The following GHR variants were observed in gnomAD, a reference collection of about 807,000 sequenced individuals.
The protein encoded by GHR is GH receptor.
GHR carries 35 observed loss-of-function variants against 67.1 expected under a neutral mutation model. The observed-to-expected ratio is 0.52, with a 90% CI of 0.40 to 0.69. The LOEUF (loss-of-function observed/expected upper bound fraction) is 0.69, where lower values mean the gene tolerates loss of function less well. GHR is among the 30% of genes least tolerant of loss of function. The pLI, the probability that GHR is intolerant of heterozygous loss-of-function variation, is 0.00. For missense variants in GHR, 792 were observed against 764.6 expected (o/e 1.04, Z -0.42); for synonymous variants, 272 against 269.1 (o/e 1.01, Z -0.10).
At chr5:42,425,811 A>G (rs1579674527) in intron 1 of GHR, among the ~76,000 whole-genome samples, 1 of 152,176 alleles carries the variant, frequency 6.6e-6, no homozygotes, top group Non-Finnish European at 1.5e-5. Context: ...GTGTGTCAAC[A>G]TTTAGCTTTT....
intron 1 of GHR, among the ~76,000 whole-genome samples, chr5:42,531,160 C>G (rs926675452): frequency 5.9e-5 from 9 of 151,944 alleles, no homozygotes; most frequent in Non-Finnish European, 1.2e-4. Context: ...CCCAGCTACT[C>G]AGAGGATGAG....
chr5:42,650,192 C>T (rs116570478), intron 3 of GHR, among the ~76,000 whole-genome samples: 1 of 152,160 alleles, frequency 6.6e-6, no homozygotes, highest in Non-Finnish European at 1.5e-5. Context: ...TTCCTTAGAC[C>T]GTGATGTTGC....
At chr5:42,571,193 G>A (rs1458211113) in intron 2 of GHR, among the ~76,000 whole-genome samples, 3 of 152,220 alleles carry the variant, frequency 2.0e-5, no homozygotes, top group African/African-American at 7.2e-5. Flanking sequence ...CTCTGTAGGG[G>A]AGGAAACATG....
intron 1 of GHR, chr5:42,468,598 G>A: frequency 9.8e-7 from 1 of 1,019,822 alleles, no homozygotes; most frequent in Non-Finnish European, 1.5e-6. Context: ...CCTCTTTCCT[G>A]TCAACCACGC....
intron 3 of GHR, among the ~76,000 whole-genome samples, chr5:42,671,969 A>AAG (rs903653300): frequency 1.3e-5 from 2 of 151,178 alleles, no homozygotes; most frequent in Non-Finnish European, 3.0e-5. Flanking sequence ...AAAAAAAAAA[A>AAG]AAAGAAACTA....
chr5:42,536,624 TC>T (rs1748268842), intron 1 of GHR, among the ~76,000 whole-genome samples: 1 of 152,174 alleles, frequency 6.6e-6, no homozygotes, highest in African/African-American at 2.4e-5. Context: ...TCTGTAGTTT[TC>T]TTTTTTGGTT....
chr5:42,521,387 T>C (rs1747467091), intron 1 of GHR, among the ~76,000 whole-genome samples: 1 of 152,242 alleles, frequency 6.6e-6, no homozygotes, highest in Admixed American at 6.5e-5. Context: ...TCCTTTGATC[T>C]ATATACTATG....
intron 4 of GHR, among the ~76,000 whole-genome samples, chr5:42,691,594 G>A (rs149527222): frequency 6.6e-6 from 1 of 152,228 alleles, no homozygotes; most frequent in African/African-American, 2.4e-5. Flanking sequence ...AAAACTCTGA[G>A]ATGATTTTAT....
At chr5:42,685,399 A>T (rs1757088801) in intron 3 of GHR, among the ~76,000 whole-genome samples, 1 of 152,064 alleles carries the variant, frequency 6.6e-6, no homozygotes. Context: ...TGCTGCAATA[A>T]ACATACATGT....
At chr5:42,561,034 C>T (rs1579940555) in intron 1 of GHR, among the ~76,000 whole-genome samples, 1 of 152,302 alleles carries the variant, frequency 6.6e-6, no homozygotes, top group East Asian at 1.9e-4. Context: ...CCCTTTTATT[C>T]GTGAATTTGA....
At chr5:42,514,260 A>G (rs2112275960) in intron 1 of GHR, 4 of 985,222 alleles carry the variant, frequency 4.1e-6, no homozygotes, top group Non-Finnish European at 4.8e-6. Context: ...TTCCATGACC[A>G]AGGTCACCTC....
chr5:42,658,165 C>T (rs1442356951), intron 3 of GHR, among the ~76,000 whole-genome samples: 1 of 152,066 alleles, frequency 6.6e-6, no homozygotes, highest in Admixed American at 6.6e-5. Context: ...TATCTAACAG[C>T]TCATAGAAAC....
At chr5:42,604,347 C>T (rs934347149) in intron 2 of GHR, among the ~76,000 whole-genome samples, 2 of 152,146 alleles carry the variant, frequency 1.3e-5, no homozygotes, top group Non-Finnish European at 2.9e-5. Flanking sequence ...AATGGAAAAC[C>T]CAGAAAGGCC....
chr5:42,606,949 AGGTG>A (rs941832185), intron 2 of GHR, among the ~76,000 whole-genome samples: 1 of 152,058 alleles, frequency 6.6e-6, no homozygotes, highest in Non-Finnish European at 1.5e-5. Flanking sequence ...TTCCAGAGCT[AGGTG>A]AATTGGTGAT....
intron 1 of GHR, among the ~76,000 whole-genome samples, chr5:42,442,842 A>C (rs1446581010): frequency 1.3e-5 from 2 of 152,206 alleles, no homozygotes; most frequent in Non-Finnish European, 2.9e-5. Flanking sequence ...GAAATTACAC[A>C]TTTTCTTTTT....
intron 1 of GHR, among the ~76,000 whole-genome samples, chr5:42,473,107 A>C (rs1280022417): frequency 6.6e-6 from 1 of 152,192 alleles, no homozygotes; most frequent in East Asian, 1.9e-4. Flanking sequence ...TTGTATTATA[A>C]GTCTGTGTTG....
intron 3 of GHR, among the ~76,000 whole-genome samples, chr5:42,636,549 C>T (rs1251887617): frequency 6.6e-6 from 1 of 152,050 alleles, no homozygotes; most frequent in Non-Finnish European, 1.5e-5. Context: ...AATCACTGCT[C>T]CCGAGAGAGC....
intron 1 of GHR, among the ~76,000 whole-genome samples, chr5:42,520,035 G>A (rs1747407955): frequency 6.6e-6 from 1 of 152,142 alleles, no homozygotes; most frequent in Admixed American, 6.5e-5. Flanking sequence ...TAACACAGAA[G>A]TTTTGCTGAT....
chr5:42,658,343 T>C (rs1355121152), intron 3 of GHR, among the ~76,000 whole-genome samples: 1 of 152,212 alleles, frequency 6.6e-6, no homozygotes, highest in African/African-American at 2.4e-5. Flanking sequence ...CTTTGTGTTT[T>C]GGCTAAAAAT....
Sources: gnomAD v4.1 joint callset for allele counts (sites outside exome capture counted in the v4.1 genomes callset) on GRCh38, gnomAD v4.1.1 for gene constraint, MANE v1.5 for transcripts, NCBI Gene and HGNC (gene_info 2026-07-23, HGNC 2026-07-21) for gene names.